The following THUMPD2 variants were observed in gnomAD, a reference collection of about 807,000 sequenced individuals.
The protein encoded by THUMPD2 is THUMP domain 2 tRNA and snRNA guanosine methyltransferase, also known as U6 snRNA (guanine-N(2))-methyltransferase THUMPD2.
In THUMPD2, 56 loss-of-function variants were observed where a neutral mutation model predicts 49.4. That is an observed-to-expected ratio of 1.13 (90% CI 0.91 to 1.41). THUMPD2 has a LOEUF of 1.41. Among genes scored for constraint, THUMPD2 ranks in the 40% most tolerant of loss-of-function variants. The pLI, the probability that THUMPD2 is intolerant of heterozygous loss-of-function variation, is 0.00. For missense variants in THUMPD2, 709 were observed against 594.5 expected, an observed-to-expected ratio of 1.19 and a Z score of -2.00; for synonymous variants, 237 against 205.2, an observed-to-expected ratio of 1.15 and a Z score of -1.32.
chr2:39,741,205 T>A (rs1208530751), intron 9 of THUMPD2, among the ~76,000 whole-genome samples: 3 of 152,210 alleles, frequency 2.0e-5, no homozygotes, highest in African/African-American at 7.2e-5. Flanking sequence ...CCCTTTCGTA[T>A]GTGAACCTGA....
At chr2:39,761,194 G>A in intron 6 of THUMPD2, 137 bp downstream of exon 6, 1 of 707,468 alleles carries the variant, frequency 1.4e-6, no homozygotes. Context: ...AAGTACAATG[G>A]CAAAAAGAAA....
At chr2:39,741,735 G>C (rs1673920418) in intron 9 of THUMPD2, among the ~76,000 whole-genome samples, 2 of 152,088 alleles carry the variant, frequency 1.3e-5, no homozygotes, top group Non-Finnish European at 2.9e-5. Context: ...GAAGAGTCCA[G>C]CTCTGTAGTA....
intron 1 of THUMPD2, 139 bp from the exon 2 acceptor site, chr2:39,771,779 G>C: frequency 1.2e-6 from 1 of 866,292 alleles, no homozygotes; most frequent in Non-Finnish European, 1.7e-6. Context: ...CTCTGTACTA[G>C]GAACACTGAA....
Position 39,770,246 on chromosome 2 carries a change from C to G in THUMPD2, c.263-127G>C. On this transcript the variant is annotated intron_variant, in intron 2 of 9. Coordinates refer to ENST00000505747, the MANE Select transcript of THUMPD2 (RefSeq NM_025264.5). Reference sequence around the variant, plus strand: ...TTTTATTAAATTGCTACACGAATAACTTCACTTTCATTTGGAGTTCATATT... The same window carrying G: ...TTTTATTAAATTGCTACACGAATAAGTTCACTTTCATTTGGAGTTCATATT... 3.2e-6 allele frequency: 2 copies of G among 633,336 alleles called. 1 individual carries two copies. The highest frequency in any genetic ancestry group is 4.7e-6 in the Non-Finnish European group (2 of 421,414). The allele number at this position is 633,336 out of a possible 1,614,324, so 39.2% of individuals were successfully genotyped here.
chr2:39,744,823 T>C (rs1395194977), intron 8 of THUMPD2, among the ~76,000 whole-genome samples: 1 of 152,286 alleles, frequency 6.6e-6, no homozygotes, highest in Non-Finnish European at 1.5e-5. Flanking sequence ...TCCACAAAAT[T>C]ATATTCTACA....
intron 8 of THUMPD2, among the ~76,000 whole-genome samples, chr2:39,752,702 CTCACA>C (rs1441699422): frequency 4.6e-5 from 7 of 152,094 alleles, no homozygotes; most frequent in Non-Finnish European, 1.0e-4. Context: ...CTAAAAACAA[CTCACA>C]GAAGAATCAT....
At position 39,761,354 on chromosome 2, in the gene THUMPD2, T is replaced by C. The variant is rs141776919; in HGVS notation, c.868A>G (p.Met290Val). 183 of 1,613,688 alleles carry C rather than the reference T, an allele frequency of 1.1e-4. No homozygotes were observed. Among genetic ancestry groups the C allele is most frequent in the Middle Eastern group, 1.6e-4 (1 of 6,080 alleles). The change falls in exon 6 of 10, where the codon ATG becomes GTG. Residue 290 changes from methionine to valine, a missense_variant. By Grantham distance (21) the Met-to-Val change is conservative (BLOSUM62 1). Transcript: ENST00000505747. ...AGLRSTIAWA[M>V]ASLADIKAGA... ...ACCTTAATGTCAGCCAGAGATGCCA[T>C]TGCCCACGCTATTGTAGATCGCAGT...
chr2:39,761,278 G>A (rs1281346830), intron 6 of THUMPD2, 53 bp downstream of exon 6: 1 of 1,500,898 alleles, frequency 6.7e-7, no homozygotes, highest in Non-Finnish European at 9.3e-7. Flanking sequence ...GACTGTATAA[G>A]TTAATTATGA....
intron 1 of THUMPD2, among the ~76,000 whole-genome samples, chr2:39,777,651 ATT>A (rs1679296798): frequency 6.6e-6 from 1 of 152,186 alleles, no homozygotes; most frequent in African/African-American, 2.4e-5. Flanking sequence ...CTTGGGTGGA[ATT>A]TCAGAGATTA....
chr2:39,736,712 C>G lies in THUMPD2; in HGVS notation c.*23G>C. 1 of 1,598,534 alleles carries G rather than the reference C, an allele frequency of 6.3e-7. No homozygotes were observed. Among genetic ancestry groups the G allele is most frequent in the Non-Finnish European group, 8.5e-7 (1 of 1,170,502 alleles). On this transcript the variant is annotated 3_prime_UTR_variant, in exon 10 of 10. Coordinates refer to ENST00000505747, the MANE Select transcript of THUMPD2 (RefSeq NM_025264.5). Reference sequence around the variant, plus strand: ...TACAGCTAACTTACAAGGGCCTGAACCCGGCTGATGGCAGCAAGCCTGCTA... The same window carrying G: ...TACAGCTAACTTACAAGGGCCTGAAGCCGGCTGATGGCAGCAAGCCTGCTA...
At chr2:39,771,309 G>A (rs188715663) in intron 2 of THUMPD2, among the ~76,000 whole-genome samples, 196 bp downstream of exon 2, 64 of 152,110 alleles carry the variant, frequency 4.2e-4, no homozygotes, top group Non-Finnish European at 8.2e-4. Flanking sequence ...AAGGCAGCAC[G>A]CAGGTTGCAA....
chr2:39,778,974 A>G (rs1572906828), intron 1 of THUMPD2, 140 bp downstream of exon 1: 1 of 1,141,050 alleles, frequency 8.8e-7, no homozygotes. Flanking sequence ...AGCGCCTGCC[A>G]GTCAACCTCG....
At chr2:39,769,561 G>A in intron 3 of THUMPD2, 149 bp downstream of exon 3, 2 of 665,056 alleles carry the variant, frequency 3.0e-6, no homozygotes, top group Non-Finnish European at 4.6e-6. Context: ...AATTAGCTGG[G>A]TGTGGTGACG....
intron 9 of THUMPD2, among the ~76,000 whole-genome samples, chr2:39,742,030 C>G (rs540945829): frequency 4.6e-5 from 7 of 152,000 alleles, no homozygotes; most frequent in Non-Finnish European, 1.0e-4. Context: ...CAGAACAATG[C>G]CATTAAGTGG....
At chr2:39,766,134 G>C (rs1395451097) in intron 4 of THUMPD2, 25 bp from the exon 5 acceptor site, 17 of 1,513,160 alleles carry the variant, frequency 1.1e-5, no homozygotes, top group East Asian at 2.5e-5. Context: ...ACAGAAGTTA[G>C]AATGGAACAA....
intron 9 of THUMPD2, among the ~76,000 whole-genome samples, chr2:39,741,417 A>G (rs937301001): frequency 3.3e-5 from 5 of 152,190 alleles, no homozygotes; most frequent in Admixed American, 3.3e-4. Context: ...CTCCTTTTCA[A>G]TTCTGTCTTC....
chr2:39,766,431 C>T (rs1044306668), intron 4 of THUMPD2, among the ~76,000 whole-genome samples: 1 of 152,040 alleles, frequency 6.6e-6, no homozygotes, highest in African/African-American at 2.4e-5. Context: ...CAGTATTTTG[C>T]GTTGAGAAGA....
rs1678843143 is a variant in THUMPD2 at position 39,774,742 on chromosome 2, G to A, written c.127-3102C>T. Among the ~76,000 whole-genome samples the A allele has an allele frequency of 2.6e-5, 4 of 151,850 alleles. No homozygotes were observed. The South Asian group carries it at 8.3e-4, about 31-fold the overall frequency. On this transcript the variant is annotated intron_variant, in intron 1 of 9. Transcript: ENST00000505747. ...TTAATACAACACTCAGAGAAATAAG[G>A]CATTTGGAATATTTCATTCTCATGT...
At chr2:39,746,201 G>A (rs1220643961) in intron 8 of THUMPD2, among the ~76,000 whole-genome samples, 3 of 152,162 alleles carry the variant, frequency 2.0e-5, no homozygotes, top group African/African-American at 4.8e-5. Context: ...AAGCTTTGCA[G>A]AACACAGTAG....
Sources: allele counts gnomAD v4.1 joint callset (sites outside exome capture counted in the v4.1 genomes callset), GRCh38; gene constraint gnomAD v4.1.1; transcripts MANE v1.5; gene names NCBI Gene and HGNC (gene_info 2026-07-23, HGNC 2026-07-21).